SRC: variants seen among roughly 807,000 people sequenced by gnomAD.
SRC encodes the protein proto-oncogene tyrosine-protein kinase Src.
A neutral mutation model predicts 62.9 loss-of-function variants in SRC; 13 were observed. That is an observed-to-expected ratio of 0.21 (90% CI 0.13 to 0.33). SRC has a LOEUF of 0.33. SRC is among the 10% of genes least tolerant of loss of function. The pLI, the probability that SRC is intolerant of heterozygous loss-of-function variation, is 1.00. For missense variants in SRC, 457 were observed against 737.3 expected, an observed-to-expected ratio of 0.62 and a Z score of 4.40; for synonymous variants, 302 against 317.5, an observed-to-expected ratio of 0.95 and a Z score of 0.52.
intron 1 of SRC, among the ~76,000 whole-genome samples, chr20:37,356,795 G>A (rs1477388199): frequency 3.3e-5 from 5 of 152,084 alleles, no homozygotes; most frequent in African/African-American, 1.2e-4. Flanking sequence ...AACCTGGAGG[G>A]TCTGGACTCT....
intron 2 of SRC, among the ~76,000 whole-genome samples, chr20:37,381,207 G>T (rs1199144910): frequency 6.6e-6 from 1 of 152,090 alleles, no homozygotes; most frequent in Non-Finnish European, 1.5e-5. Context: ...CAGGACCTTA[G>T]CTTCGTCTTA....
At chr20:37,346,347 G>C (rs1254695717) in intron 1 of SRC, 92 bp downstream of exon 1, 1 of 150,016 alleles carries the variant, frequency 6.7e-6, no homozygotes, top group Admixed American at 6.6e-5. Context: ...ATCGCGGGCC[G>C]GCGGGGACTC....
intron 1 of SRC, among the ~76,000 whole-genome samples, chr20:37,364,647 G>T (rs2070034488): frequency 6.6e-6 from 1 of 152,064 alleles, no homozygotes; most frequent in Non-Finnish European, 1.5e-5. Context: ...CCATTTCCTG[G>T]CCTGCTCTAT....
chr20:37,378,593 G>A, intron 2 of SRC, among the ~76,000 whole-genome samples: 1 of 152,162 alleles, frequency 6.6e-6, no homozygotes, highest in Non-Finnish European at 1.5e-5. Flanking sequence ...GCCACTCTCA[G>A]CTCTCATTCT....
At chr20:37,373,234 G>GCA (rs2070208122) in intron 2 of SRC, among the ~76,000 whole-genome samples, 1 of 134,546 alleles carries the variant, frequency 7.4e-6, no homozygotes, top group Non-Finnish European at 1.5e-5. Context: ...GTACACACAT[G>GCA]CACATATGTA....
Position 37,360,218 on chromosome 20 carries a change from C to CTTTT in SRC, c.-246-4969_-246-4966dup, listed in dbSNP as rs61476973. Among the ~76,000 whole-genome samples, 88 of 105,616 alleles carry CTTTT rather than the reference C, an allele frequency of 8.3e-4. 4 individuals carry two copies. The highest frequency in any genetic ancestry group is 2.1e-3 in the African/African-American group (43 of 20,938). The allele number at this position is 105,616 out of a possible 152,430, so 69.3% of individuals were successfully genotyped here. A position where few individuals can be genotyped will look rare whatever the true frequency, so the allele number is the denominator to read the frequency against. ...AATTTCTTTCTCTTTCTCTCTCTCT[C>CTTTT]TTTTTTTTTTTTTTTTTTTTGGTGA... is the stretch of plus-strand genomic sequence containing the variant. On this transcript the variant is annotated intron_variant, in intron 1 of 13. Transcript: ENST00000373578.
chr20:37,356,706 C>T (rs577161558), intron 1 of SRC, among the ~76,000 whole-genome samples: 65 of 152,280 alleles, frequency 4.3e-4, no homozygotes, highest in Non-Finnish European at 6.9e-4. Flanking sequence ...TTTGGGTAAA[C>T]CTCACCAGGG....
intron 2 of SRC, among the ~76,000 whole-genome samples, chr20:37,373,319 TAC>T (rs1258531367): frequency 1.3e-5 from 2 of 151,076 alleles, no homozygotes; most frequent in African/African-American, 2.4e-5. Flanking sequence ...ATTACATATG[TAC>T]ACACATACAC....
Position 37,405,462 on chromosome 20 carries a change from G to A in SRC, c.*2083G>A, listed in dbSNP as rs2070815504. 1 of 188,468 alleles carries A rather than the reference G, an allele frequency of 5.3e-6. No individual in the cohort carries two copies. The highest frequency in any genetic ancestry group is 1.1e-5 in the Non-Finnish European group (1 of 89,598). The allele number at this position is 188,468 out of a possible 1,614,324, so 11.7% of individuals were successfully genotyped here. On this transcript the variant is annotated 3_prime_UTR_variant, in exon 14 of 14. Transcript: ENST00000373578. ...GAACATCTACTGTGTGCTGGAAAGC[G>A]AGATGGGGCGGAATGCGAGAACAAA...
chr20:37,364,489 C>T (rs1053234925), intron 1 of SRC, among the ~76,000 whole-genome samples: 6 of 152,218 alleles, frequency 3.9e-5, no homozygotes, highest in Non-Finnish European at 7.4e-5. Flanking sequence ...GTGTCCACCC[C>T]GTGATGAGGG....
At chr20:37,346,282 C>T (rs1568614378) in intron 1 of SRC, 27 bp downstream of exon 1, 2 of 148,922 alleles carry the variant, frequency 1.3e-5, no homozygotes, top group Admixed American at 1.3e-4. Flanking sequence ...CCTCCGCGGA[C>T]CCCCCGCCCC....
At chr20:37,347,481 T>C (rs1456260600) in intron 1 of SRC, among the ~76,000 whole-genome samples, 1 of 152,182 alleles carries the variant, frequency 6.6e-6, no homozygotes, top group East Asian at 1.9e-4. Flanking sequence ...TGGCGTGTAG[T>C]AGATGCTCAA....
chr20:37,403,283 G>T lies in SRC; in HGVS notation c.1515G>T (p.Glu505Asp). 6.2e-7 allele frequency: 1 copy of T among 1,600,466 alleles called. No homozygotes were observed. The highest frequency in any genetic ancestry group is 1.1e-5 in the South Asian group (1 of 88,410). Residue 505 changes from glutamate (E) to aspartate (D), a missense_variant, in exon 14 of 14, where the codon GAG (glutamate) becomes GAT (aspartate). Transcript: ENST00000373578. The surrounding 1 kb of genome is among the most constrained non-coding windows in gnomAD (Gnocchi z 7.1). ...TCATGTGCCAGTGCTGGCGGAAGGA[G>T]CCTGAGGAGCGGCCCACCTTCGAGT... is the stretch of plus-strand genomic sequence containing the variant. ...HDLMCQCWRK[E>D]PEERPTFEYL... is the part of the protein sequence containing the mutation.
intron 7 of SRC, among the ~76,000 whole-genome samples, chr20:37,395,819 C>G (rs897339858): frequency 6.6e-6 from 1 of 152,244 alleles, no homozygotes; most frequent in Non-Finnish European, 1.5e-5. Flanking sequence ...ATGGAATCTC[C>G]CCAGCAGCCC....
At chr20:37,358,661 A>G (rs76035617) in intron 1 of SRC, among the ~76,000 whole-genome samples, 6,792 of 152,326 alleles carry the variant, frequency 0.045, 211 homozygotes, top group Middle Eastern at 0.088. Context: ...GGGGTCTGAT[A>G]GAGGCCCCTT....
At chr20:37,364,742 G>C (rs575651587) in intron 1 of SRC, among the ~76,000 whole-genome samples, 1 of 152,286 alleles carries the variant, frequency 6.6e-6, no homozygotes, top group African/African-American at 2.4e-5. Context: ...CATGGCTTTT[G>C]ACTGTTTTTC....
chr20:37,392,462 A>G (rs990701656), intron 5 of SRC, among the ~76,000 whole-genome samples: 1 of 152,218 alleles, frequency 6.6e-6, no homozygotes, highest in East Asian at 1.9e-4. Context: ...ACTGTAGGCA[A>G]GGGCCTTTCT....
intron 1 of SRC, among the ~76,000 whole-genome samples, chr20:37,348,987 G>A (rs1482948284): frequency 1.3e-5 from 2 of 151,980 alleles, no homozygotes; most frequent in African/African-American, 4.8e-5. Context: ...ATGAAGGGGA[G>A]TGGGTAAGAG....
chr20:37,364,928 G>A (rs1052773269), intron 1 of SRC, among the ~76,000 whole-genome samples: 6 of 152,126 alleles, frequency 3.9e-5, no homozygotes, highest in Admixed American at 1.3e-4. Flanking sequence ...CCTTGTCCTC[G>A]AAGCCCTTCG....
Sources: gnomAD v4.1 joint callset for allele counts (sites outside exome capture counted in the v4.1 genomes callset) on GRCh38, gnomAD v4.1.1 for gene constraint, Gnocchi (gnomAD v3.1) non-coding constraint, MANE v1.5 for transcripts, NCBI Gene and HGNC (gene_info 2026-07-23, HGNC 2026-07-21) for gene names.